The following CSMD1 variants were observed in gnomAD, a reference collection of about 807,000 sequenced individuals.
CSMD1 encodes the protein CUB and Sushi multiple domains 1, also known as CUB and sushi domain-containing protein 1.
A neutral mutation model predicts 417.5 loss-of-function variants in CSMD1; 213 were observed. That is an observed-to-expected ratio of 0.51 (90% CI 0.46 to 0.57). The LOEUF is 0.57. Among genes scored for constraint, CSMD1 ranks in the 20% least tolerant of loss-of-function variants. CSMD1 has a pLI of 0.00. For missense variants in CSMD1, 6,923 were observed against 4,529.7 expected (o/e 1.53, Z -15.17); for synonymous variants, 2,862 against 1,736.8 (o/e 1.65, Z -16.11).
intron 2 of CSMD1, among the ~76,000 whole-genome samples, chr8:4,471,040 C>G (rs544434312): frequency 2.0e-5 from 3 of 152,186 alleles, no homozygotes; most frequent in Admixed American, 1.3e-4. Context: ...TTTGAACTTG[C>G]AAGGTCTAAT....
At chr8:4,956,331 A>C (rs1008771588) in intron 1 of CSMD1, among the ~76,000 whole-genome samples, 9 of 151,616 alleles carry the variant, frequency 5.9e-5, no homozygotes, top group African/African-American at 2.2e-4. Context: ...AAAAATAATT[A>C]ACATCCACTA....
chr8:3,917,404 G>A (rs1045579855), intron 5 of CSMD1, among the ~76,000 whole-genome samples: 20 of 131,046 alleles, frequency 1.5e-4, no homozygotes, highest in African/African-American at 5.8e-4. Flanking sequence ...TTTGGGTTTG[G>A]TTATACCACG....
At chr8:4,274,699 T>C (rs192851269) in intron 3 of CSMD1, among the ~76,000 whole-genome samples, 1 of 152,266 alleles carries the variant, frequency 6.6e-6, no homozygotes, top group African/African-American at 2.4e-5. Flanking sequence ...GTGCATCAGG[T>C]GCAAAGTCAA....
intron 5 of CSMD1, among the ~76,000 whole-genome samples, chr8:3,766,340 C>T (rs1040641237): frequency 1.3e-5 from 2 of 152,182 alleles, no homozygotes; most frequent in African/African-American, 4.8e-5. Flanking sequence ...TTGGTTGCAA[C>T]AAGCTAATCT....
intron 51 of CSMD1, 29 bp from the exon 52 acceptor site, chr8:3,018,679 C>A (rs1809081394): frequency 6.3e-7 from 1 of 1,576,116 alleles, no homozygotes. Flanking sequence ...AAATGAACAT[C>A]AATTCAGTTA....
chr8:3,132,907 G>T (rs1433993817), intron 41 of CSMD1, among the ~76,000 whole-genome samples: 2 of 152,118 alleles, frequency 1.3e-5, no homozygotes, highest in Non-Finnish European at 2.9e-5. Context: ...AGCCTTCTGT[G>T]CTCCAGGAAA....
chr8:3,823,745 C>G (rs76153384), intron 5 of CSMD1, among the ~76,000 whole-genome samples: 1 of 152,020 alleles, frequency 6.6e-6, no homozygotes. Context: ...ACAAAGTAAA[C>G]TTATATGTTT....
In CSMD1 at chr8:3,756,798, A is replaced by AT. The variant is rs5888992; in HGVS notation, c.819-2757dup. On this transcript the variant is annotated intron_variant, in intron 5 of 69. Transcript: ENST00000635120. ...GTTCTGACTGAAAAAACCAGGTGGAATTTTTTTTTTTTCTTGAGACAGTGT... is the reference window on the plus strand; with the variant it reads ...GTTCTGACTGAAAAAACCAGGTGGAATTTTTTTTTTTTTCTTGAGACAGTGT... Among the ~76,000 whole-genome samples, 652 of 149,190 alleles carry AT rather than the reference A, an allele frequency of 4.4e-3. 6 individuals carry two copies. Among genetic ancestry groups the AT allele is most frequent in the African/African-American group, 0.014 (550 of 40,672 alleles).
At chr8:4,135,401 A>AGTGG (rs1383058812) in intron 3 of CSMD1, among the ~76,000 whole-genome samples, 4 of 37,116 alleles carry the variant, frequency 1.1e-4, no homozygotes, top group Admixed American at 7.0e-4. Flanking sequence ...GGAAGGGGAA[A>AGTGG]GAGGGAAAGA....
intron 5 of CSMD1, among the ~76,000 whole-genome samples, chr8:3,799,773 C>T (rs1366161169): frequency 3.9e-5 from 6 of 152,000 alleles, no homozygotes; most frequent in African/African-American, 1.4e-4. Context: ...CTGCTAAATC[C>T]AATTTTCATA....
intron 3 of CSMD1, among the ~76,000 whole-genome samples, chr8:4,152,611 G>C (rs1392866444): frequency 1.3e-5 from 2 of 151,866 alleles, no homozygotes; most frequent in African/African-American, 4.8e-5. Flanking sequence ...GATCGTTTGA[G>C]CCTAGGAGGT....
intron 1 of CSMD1, among the ~76,000 whole-genome samples, chr8:4,847,476 T>C (rs1374303574): frequency 6.6e-6 from 1 of 151,882 alleles, no homozygotes; most frequent in Non-Finnish European, 1.5e-5. Flanking sequence ...ATACACCTAA[T>C]ACCCGACTAC....
intron 3 of CSMD1, among the ~76,000 whole-genome samples, chr8:4,156,880 A>G (rs1179826702): frequency 6.6e-6 from 1 of 152,170 alleles, no homozygotes; most frequent in Non-Finnish European, 1.5e-5. Flanking sequence ...GTCTCCTCAT[A>G]CATAAAATGG....
Position 4,364,686 on chromosome 8 carries a change from G to A in CSMD1, c.415+55267C>T, listed in dbSNP as rs1252586351. ...AAAAATACAAAAAAATTAGCCGGGCGTAGTGGCGGGCGCCTGTAGTCCCAG... is the reference window on the plus strand; with the variant it reads ...AAAAATACAAAAAAATTAGCCGGGCATAGTGGCGGGCGCCTGTAGTCCCAG... On this transcript the variant is annotated intron_variant, in intron 3 of 69. Transcript: ENST00000635120. Among the ~76,000 whole-genome samples, 46 of 59,994 alleles carry A rather than the reference G, an allele frequency of 7.7e-4. 18 individuals are homozygous for A. Among genetic ancestry groups the A allele is most frequent in the African/African-American group, 1.9e-3 (14 of 7,418 alleles). The allele number at this position is 59,994 out of a possible 152,430, so 39.4% of individuals were successfully genotyped here. A position where few individuals can be genotyped will look rare whatever the true frequency, so the allele number is the denominator to read the frequency against.
At chr8:4,014,290 T>C (rs1311238375) in intron 4 of CSMD1, among the ~76,000 whole-genome samples, 3 of 152,198 alleles carry the variant, frequency 2.0e-5, no homozygotes, top group South Asian at 2.1e-4. Flanking sequence ...ATTATGGCAT[T>C]GCGTGTCGAA....
intron 4 of CSMD1, among the ~76,000 whole-genome samples, chr8:4,012,463 G>T (rs971955530): frequency 5.3e-5 from 8 of 152,092 alleles, no homozygotes; most frequent in Non-Finnish European, 8.8e-5. Flanking sequence ...GGGTACACAT[G>T]CAGGTTTGTT....
intron 3 of CSMD1, among the ~76,000 whole-genome samples, chr8:4,367,902 G>C (rs888409878): frequency 7.9e-5 from 12 of 152,092 alleles, no homozygotes; most frequent in African/African-American, 2.9e-4. Context: ...ACATTATTTT[G>C]TATCCTGAAA....
intron 2 of CSMD1, among the ~76,000 whole-genome samples, chr8:4,608,767 G>A (rs989616763): frequency 2.6e-5 from 4 of 152,274 alleles, no homozygotes; most frequent in Admixed American, 6.5e-5. Flanking sequence ...ATATGTTCAG[G>A]AGGCTGGAAA....
At position 3,046,467 on chromosome 8, in the gene CSMD1, C is replaced by T. The variant is rs146345081; in HGVS notation, c.7660+5995G>A. 3.4e-3 allele frequency among the ~76,000 whole-genome samples: 525 copies of T among 152,290 alleles called. 1 individual carries two copies. The highest frequency in any genetic ancestry group is 6.4e-3 in the Non-Finnish European group (435 of 68,024). On this transcript the variant is annotated intron_variant, in intron 50 of 69. Transcript: ENST00000635120. ...ACCTCTGCTTCTTTTTATTCCCTTC[C>T]GTGGACATTTCAGAGCTAACAGTGC...
Sources: gnomAD v4.1 joint callset for allele counts (sites outside exome capture counted in the v4.1 genomes callset) on GRCh38, gnomAD v4.1.1 for gene constraint, MANE v1.5 for transcripts, NCBI Gene and HGNC (gene_info 2026-07-23, HGNC 2026-07-21) for gene names.